FAM241A: variants seen among roughly 807,000 people sequenced by gnomAD.
FAM241A encodes family with sequence similarity 241 member A, also known as uncharacterized protein FAM241A.
FAM241A carries 7 observed loss-of-function variants against 12.2 expected under a neutral mutation model. The observed-to-expected ratio is 0.58, with a 90% CI of 0.33 to 1.08. FAM241A has a LOEUF of 1.08. FAM241A is among the 50% of genes least tolerant of loss of function. The pLI is 0.04. For missense variants in FAM241A, 161 were observed against 169.7 expected (o/e 0.95, Z 0.29); for synonymous variants, 74 against 68.2 (o/e 1.08, Z -0.42).
At chr4:112,178,935 T>A (rs1723874272) in intron 1 of FAM241A, among the ~76,000 whole-genome samples, 1 of 152,156 alleles carries the variant, frequency 6.6e-6, no homozygotes, top group Non-Finnish European at 1.5e-5. Context: ...TACCATCTCA[T>A]ACTAGACAGA....
At chr4:112,151,549 C>T (rs1240312966) in intron 1 of FAM241A, among the ~76,000 whole-genome samples, 1 of 152,156 alleles carries the variant, frequency 6.6e-6, no homozygotes, top group Non-Finnish European at 1.5e-5. Flanking sequence ...GGAGTGAGGT[C>T]TGAGATTTTG....
intron 1 of FAM241A, among the ~76,000 whole-genome samples, chr4:112,182,574 G>A (rs974711959): frequency 5.3e-5 from 8 of 151,812 alleles, no homozygotes; most frequent in African/African-American, 1.9e-4. Context: ...GACTATAACC[G>A]TGCAGGCCTT....
rs372309906 is a variant in FAM241A, at chr4:112,167,849, T to C, written c.154-18844T>C. 3.5e-4 allele frequency among the ~76,000 whole-genome samples: 54 copies of C among 152,362 alleles called. No individual in the cohort carries two copies. In the South Asian group the frequency reaches 0.011, roughly 32 times the overall value. On this transcript the variant is annotated intron_variant, in intron 1 of 1. Transcript: ENST00000309733. ...TTATTTTGCAAGCTAGCCTATTCTG[T>C]GAATCAAGGATTGTGATTATCTGAG...
rs1364896145 is a variant in FAM241A at position 112,189,144 on chromosome 4, G to A, written c.*2206G>A. The A allele has an allele frequency of 6.6e-6, 1 of 152,068 alleles. No homozygotes were observed. The highest frequency in any genetic ancestry group is 1.5e-5 in the Non-Finnish European group (1 of 68,026). 9.4% of individuals were successfully genotyped at this position (152,068 alleles called of 1,614,324 possible). On this transcript the variant is annotated 3_prime_UTR_variant, in exon 2 of 2. Coordinates refer to ENST00000309733, the MANE Select transcript of FAM241A (RefSeq NM_152400.3). ...CTCACGCCTGTAATCCTAGCACTTT[G>A]GGAGGCTGAGGCGGGTGGATCACAA...
At chr4:112,145,781 G>A in intron 1 of FAM241A, 48 bp downstream of exon 1, 2 of 1,095,280 alleles carry the variant, frequency 1.8e-6, no homozygotes, top group Non-Finnish European at 2.2e-6. Flanking sequence ...CGGGGGCCGC[G>A]AGCCCCGCCC....
intron 1 of FAM241A, among the ~76,000 whole-genome samples, chr4:112,148,865 C>T (rs1723191181): frequency 6.6e-6 from 1 of 152,166 alleles, no homozygotes; most frequent in Non-Finnish European, 1.5e-5. Flanking sequence ...ATAGCATCTG[C>T]TTAGATGTGG....
chr4:112,185,770 A>G (rs985477042), intron 1 of FAM241A, among the ~76,000 whole-genome samples: 7 of 152,208 alleles, frequency 4.6e-5, no homozygotes, highest in Non-Finnish European at 8.8e-5. Flanking sequence ...GATTGGTTCT[A>G]CAAGTGTTGG....
intron 1 of FAM241A, among the ~76,000 whole-genome samples, chr4:112,147,721 T>G (rs1723168195): frequency 6.6e-6 from 1 of 152,200 alleles, no homozygotes; most frequent in Non-Finnish European, 1.5e-5. Flanking sequence ...GTTGGTTGGT[T>G]TAAGGATACA....
At chr4:112,164,269 TA>T (rs752229697) in intron 1 of FAM241A, among the ~76,000 whole-genome samples, 1 of 147,862 alleles carries the variant, frequency 6.8e-6, no homozygotes, top group Non-Finnish European at 1.5e-5. Flanking sequence ...ATAATTTTTT[TA>T]AAAAAAGGAT....
intron 1 of FAM241A, among the ~76,000 whole-genome samples, chr4:112,172,348 A>C (rs1190586424): frequency 1.3e-5 from 2 of 152,248 alleles, no homozygotes; most frequent in Admixed American, 6.5e-5. Context: ...ATACAAAGCA[A>C]GAAATCAGTC....
intron 1 of FAM241A, among the ~76,000 whole-genome samples, chr4:112,163,967 A>G (rs1723537266): frequency 6.6e-6 from 1 of 152,232 alleles, no homozygotes; most frequent in African/African-American, 2.4e-5. Context: ...CTTTGTAGGG[A>G]CATGGATGAA....
chr4:112,173,148 C>T (rs1723758124), intron 1 of FAM241A, among the ~76,000 whole-genome samples: 1 of 152,160 alleles, frequency 6.6e-6, no homozygotes, highest in Non-Finnish European at 1.5e-5. Flanking sequence ...CTTGGCCTCC[C>T]AAAGTGCTGA....
At chr4:112,162,009 G>A (rs1290459884) in intron 1 of FAM241A, among the ~76,000 whole-genome samples, 2 of 152,110 alleles carry the variant, frequency 1.3e-5, no homozygotes, top group Non-Finnish European at 2.9e-5. Context: ...TTCAACATAC[G>A]CAAATCGATA....
chr4:112,185,284 CA>C (rs1041289592), intron 1 of FAM241A, among the ~76,000 whole-genome samples: 2 of 152,018 alleles, frequency 1.3e-5, no homozygotes, highest in African/African-American at 4.8e-5. Flanking sequence ...ATTATTTTAA[CA>C]AAGATAATTT....
Position 112,187,050 on chromosome 4 carries a change from C to A in FAM241A, c.*112C>A, listed in dbSNP as rs1453615580. The A allele has an allele frequency of 1.6e-6, 2 of 1,229,104 alleles. No homozygotes were observed. Among genetic ancestry groups the A allele is most frequent in the Non-Finnish European group, 2.3e-6 (2 of 876,274 alleles). 76.1% of individuals were successfully genotyped at this position (1,229,104 alleles called of 1,614,324 possible). On this transcript the variant is annotated 3_prime_UTR_variant, in exon 2 of 2. Coordinates refer to ENST00000309733, the MANE Select transcript of FAM241A (RefSeq NM_152400.3). ...AGTTTGCCTTGTTTCAAATCATGTGCTGGCTGTTTTGTAAGTAAATTTATA... is the reference window on the plus strand; with the variant it reads ...AGTTTGCCTTGTTTCAAATCATGTGATGGCTGTTTTGTAAGTAAATTTATA...
At position 112,189,394 on chromosome 4, in the gene FAM241A, A is replaced by AAAAAAAAAAAAAAAAAAAAAC. The variant is rs1724117010; in HGVS notation, c.*2457_*2458insAAAAAAAAAAAAAAAAAAACA. 1 of 137,326 alleles carries AAAAAAAAAAAAAAAAAAAAAC rather than the reference A, an allele frequency of 7.3e-6. No individual in the cohort carries two copies. The highest frequency in any genetic ancestry group is 1.6e-5 in the Non-Finnish European group (1 of 64,220). The allele number at this position is 137,326 out of a possible 1,614,324, so 8.5% of individuals were successfully genotyped here. A position where few individuals can be genotyped will look rare whatever the true frequency, so the allele number is the denominator to read the frequency against. ...TCAAAAAAAAAAAAAAAAAAAAAAA[A>AAAAAAAAAAAAAAAAAAAAAC]ATTGGATTGAAAATGATTCTCATCA... is the stretch of plus-strand genomic sequence containing the variant. On this transcript the variant is annotated 3_prime_UTR_variant, in exon 2 of 2. Transcript: ENST00000309733.
chr4:112,186,694 A>C lies in FAM241A; in HGVS notation c.155A>C (p.Asp52Ala). 6.3e-7 allele frequency: 1 copy of C among 1,578,992 alleles called. No individual in the cohort carries two copies. The highest frequency in any genetic ancestry group is 1.8e-4 in the Middle Eastern group (1 of 5,524). Residue 52 changes from aspartate to alanine, a missense_variant and splice_region_variant, in exon 2 of 2, where the codon GAT (aspartate) becomes GCT (alanine). Coordinates refer to ENST00000309733, the MANE Select transcript of FAM241A (RefSeq NM_152400.3). The part of the protein sequence containing the change: ...RGQRPKESEQ[D>A]VEDSQNHTGE... ...TTGTCTTTTTTTTTTTTTTTAAAGG[A>C]TGTTGAAGACTCACAGAACCACACT...
chr4:112,165,608 A>G (rs1723578313), intron 1 of FAM241A, among the ~76,000 whole-genome samples: 1 of 152,322 alleles, frequency 6.6e-6, no homozygotes, highest in Non-Finnish European at 1.5e-5. Context: ...TTGCAACAAC[A>G]TGGATGGAAC....
At chr4:112,168,838 T>C (rs1004217861) in intron 1 of FAM241A, among the ~76,000 whole-genome samples, 4 of 152,106 alleles carry the variant, frequency 2.6e-5, no homozygotes, top group African/African-American at 9.7e-5. Context: ...CTTAATTTTG[T>C]ATGTTTAGTA....
Sources: allele counts gnomAD v4.1 joint callset (sites outside exome capture counted in the v4.1 genomes callset), GRCh38; gene constraint gnomAD v4.1.1; transcripts MANE v1.5; gene names NCBI Gene and HGNC (gene_info 2026-07-23, HGNC 2026-07-21).